The following GSTCD variants were observed in gnomAD, a reference collection of about 807,000 sequenced individuals.
GSTCD encodes glutathione S-transferase C-terminal domain-containing protein.
A neutral mutation model predicts 68.3 loss-of-function variants in GSTCD; 44 were observed. The ratio of observed to expected loss-of-function variants is 0.64; its 90% confidence interval spans 0.51 to 0.83. GSTCD has a LOEUF of 0.83. GSTCD is among the 40% of genes least tolerant of loss of function. GSTCD has a pLI of 0.00. For synonymous variants in GSTCD, 273 were observed against 255.2 expected (o/e 1.07, Z -0.67); for missense variants, 739 against 735.9 (o/e 1.00, Z -0.05).
chr4:105,823,690 CAA>C (rs575003488), intron 7 of GSTCD: 45 of 101,732 alleles, frequency 4.4e-4, no homozygotes, highest in Non-Finnish European at 6.7e-4. Context: ...TTTTTTAAAG[CAA>C]AAAAAAAAAA....
chr4:105,846,610 A>G lies in GSTCD; in HGVS notation c.*1033A>G, dbSNP rs1724555677. On this transcript the variant is annotated 3_prime_UTR_variant, in exon 12 of 12. Coordinates refer to ENST00000515279, the MANE Select transcript of GSTCD (RefSeq NM_001370181.1). ...TTCAAAGATGAGTTGCAAAAGACAT[A>G]ATGTTTTGCCTATGGAAGTAGATCA... 1 of 151,986 alleles carries G rather than the reference A, an allele frequency of 6.6e-6. No individual in the cohort carries two copies. The highest frequency in any genetic ancestry group is 2.4e-5 in the African/African-American group (1 of 41,372). The allele number at this position is 151,986 out of a possible 1,614,324, so 9.4% of individuals were successfully genotyped here. A position where few individuals can be genotyped will look rare whatever the true frequency, so the allele number is the denominator to read the frequency against.
chr4:105,725,875 C>G (rs1733013202), intron 3 of GSTCD, among the ~76,000 whole-genome samples: 1 of 152,030 alleles, frequency 6.6e-6, no homozygotes, highest in Non-Finnish European at 1.5e-5. Flanking sequence ...ATCAAACAGA[C>G]TGATAATACC....
intron 5 of GSTCD, among the ~76,000 whole-genome samples, chr4:105,777,029 A>T (rs544649534): frequency 6.6e-6 from 1 of 152,290 alleles, no homozygotes; most frequent in Admixed American, 6.5e-5. Flanking sequence ...TAGAACCCTA[A>T]TCACATTGAG....
chr4:105,838,407 T>C (rs1406745849), intron 10 of GSTCD, among the ~76,000 whole-genome samples: 1 of 152,250 alleles, frequency 6.6e-6, no homozygotes, highest in African/African-American at 2.4e-5. Context: ...TAGTAAATAT[T>C]TTAGGCTATG....
intron 5 of GSTCD, among the ~76,000 whole-genome samples, chr4:105,768,266 G>T (rs1005328960): frequency 6.6e-6 from 1 of 151,940 alleles, no homozygotes; most frequent in African/African-American, 2.4e-5. Flanking sequence ...TCCTGACCTC[G>T]TGATCCGCCC....
intron 5 of GSTCD, among the ~76,000 whole-genome samples, chr4:105,815,689 G>T (rs1359641365): frequency 6.6e-6 from 1 of 152,050 alleles, no homozygotes; most frequent in African/African-American, 2.4e-5. Flanking sequence ...AGCCAACTGA[G>T]GATTACTTGA....
At chr4:105,770,222 C>T (rs925079806) in intron 5 of GSTCD, among the ~76,000 whole-genome samples, 2 of 152,206 alleles carry the variant, frequency 1.3e-5, no homozygotes, top group Non-Finnish European at 2.9e-5. Context: ...ACGTTTATAG[C>T]TGCTCATTCT....
chr4:105,821,205 A>G (rs562243542), intron 5 of GSTCD: 5 of 152,034 alleles, frequency 3.3e-5, no homozygotes, highest in South Asian at 2.1e-4. Context: ...CTGCATTGCC[A>G]TAAAAATATA....
At chr4:105,783,249 C>T (rs2149250700) in intron 5 of GSTCD, among the ~76,000 whole-genome samples, 1 of 152,244 alleles carries the variant, frequency 6.6e-6, no homozygotes, top group African/African-American at 2.4e-5. Context: ...ATGTTAGAGA[C>T]AGTGTTAGCT....
chr4:105,808,610 C>A (rs774859423), intron 5 of GSTCD, among the ~76,000 whole-genome samples: 1 of 152,130 alleles, frequency 6.6e-6, no homozygotes, highest in Non-Finnish European at 1.5e-5. Context: ...TAGCCCCTGG[C>A]TACTTCTTTG....
At chr4:105,831,244 T>C (rs763129142) in intron 8 of GSTCD, among the ~76,000 whole-genome samples, 1 of 152,174 alleles carries the variant, frequency 6.6e-6, no homozygotes, top group Non-Finnish European at 1.5e-5. Context: ...GAATCCTTCT[T>C]CGAAAAGCAA....
chr4:105,756,495 T>TACACAC (rs3055931), intron 5 of GSTCD, among the ~76,000 whole-genome samples: 191 of 139,488 alleles, frequency 1.4e-3, no homozygotes, highest in African/African-American at 4.1e-3. Context: ...CCTATGCACA[T>TACACAC]ACACACACAC....
At position 105,751,493 on chromosome 4, in the gene GSTCD, T is replaced by G. The variant is rs569794492; in HGVS notation, c.1240+21994T>G. Among the ~76,000 whole-genome samples, 3 of 152,284 alleles carry G rather than the reference T, an allele frequency of 2.0e-5. No homozygotes were observed. In the South Asian group the frequency reaches 6.2e-4, roughly 32 times the overall value. ...AGTATACACAGATAAACATTGACTT[T>G]CACCTTTGACAGACAGTCAGACTTC... On this transcript the variant is annotated intron_variant, in intron 5 of 11. Coordinates refer to ENST00000515279, the MANE Select transcript of GSTCD (RefSeq NM_001370181.1).
At chr4:105,844,899 C>T (rs1724489911) in intron 11 of GSTCD, among the ~76,000 whole-genome samples, 1 of 152,128 alleles carries the variant, frequency 6.6e-6, no homozygotes, top group African/African-American at 2.4e-5. Flanking sequence ...TAAGAGTATA[C>T]TACACTCAAC....
intron 4 of GSTCD, 117 bp from the exon 5 acceptor site, chr4:105,729,289 G>C (rs1733148435): frequency 2.2e-6 from 1 of 457,314 alleles, no homozygotes. Context: ...AATAGCTGAT[G>C]ATTATTACTA....
At chr4:105,845,316 C>G in intron 11 of GSTCD, 125 bp from the exon 12 acceptor site, 1 of 927,326 alleles carries the variant, frequency 1.1e-6, no homozygotes, top group Non-Finnish European at 1.6e-6. Flanking sequence ...CTAAACAAGA[C>G]TTAGGGGTAC....
At chr4:105,839,600 A>C (rs955818526) in intron 10 of GSTCD, among the ~76,000 whole-genome samples, 1 of 152,204 alleles carries the variant, frequency 6.6e-6, no homozygotes, top group African/African-American at 2.4e-5. Context: ...GTGCCATTGC[A>C]TTCCCATTTC....
intron 5 of GSTCD, among the ~76,000 whole-genome samples, chr4:105,760,671 A>G (rs372274895): frequency 7.9e-5 from 12 of 152,168 alleles, no homozygotes; most frequent in African/African-American, 2.7e-4. Context: ...AGAAGAATGT[A>G]AAGTATCTTA....
chr4:105,753,761 T>C (rs1214487573), intron 5 of GSTCD, among the ~76,000 whole-genome samples: 1 of 152,110 alleles, frequency 6.6e-6, no homozygotes, highest in African/African-American at 2.4e-5. Flanking sequence ...TATACATACC[T>C]GCTGTGAAAG....
Sources: allele counts gnomAD v4.1 joint callset (sites outside exome capture counted in the v4.1 genomes callset), GRCh38; gene constraint gnomAD v4.1.1; transcripts MANE v1.5; gene names NCBI Gene and HGNC (gene_info 2026-07-23, HGNC 2026-07-21).